The following C7 variants were observed in gnomAD, a reference collection of about 807,000 sequenced individuals.
C7 encodes complement C7, also known as complement component C7.
A neutral mutation model predicts 104.8 loss-of-function variants in C7; 83 were observed. That is an observed-to-expected ratio of 0.79 (90% CI 0.66 to 0.95). The LOEUF is 0.95. Ranked by LOEUF, C7 falls within the 40% of genes least tolerant of loss-of-function variation. The pLI, the probability that C7 is intolerant of heterozygous loss-of-function variation, is 0.00. For synonymous variants in C7, 415 were observed against 360.6 expected (o/e 1.15, Z -1.71); for missense variants, 1,070 against 1,011.2 (o/e 1.06, Z -0.79).
At chr5:40,957,978 A>G (rs1740330561) in intron 10 of C7, 55 bp from the exon 11 acceptor site, 1 of 1,324,868 alleles carries the variant, frequency 7.5e-7, no homozygotes, top group Non-Finnish European at 1.0e-6. Context: ...CATGAAAAGC[A>G]AAATATTCTT....
chr5:40,924,825 A>C (rs1251035669), intron 1 of C7, among the ~76,000 whole-genome samples: 1 of 152,234 alleles, frequency 6.6e-6, no homozygotes, highest in Non-Finnish European at 1.5e-5. Context: ...AGTGGCCTGC[A>C]TGCAGGGATC....
chr5:40,975,931 A>G (rs1326366223), intron 15 of C7, among the ~76,000 whole-genome samples: 2 of 152,250 alleles, frequency 1.3e-5, no homozygotes, highest in Non-Finnish European at 2.9e-5. Flanking sequence ...TTTCATTGTA[A>G]TAAAGCTATT....
intron 16 of C7, 58 bp from the exon 17 acceptor site, chr5:40,979,667 C>T (rs941402933): frequency 1.4e-6 from 2 of 1,435,244 alleles, no homozygotes; most frequent in South Asian, 1.3e-5. Flanking sequence ...TTCATTTCTC[C>T]TTCTCAGCTT....
chr5:40,918,099 C>T (rs1739357025), intron 1 of C7, among the ~76,000 whole-genome samples: 1 of 152,076 alleles, frequency 6.6e-6, no homozygotes, highest in Non-Finnish European at 1.5e-5. Flanking sequence ...AAGAATACCA[C>T]TATTGAAAAC....
At chr5:40,927,839 A>T (rs1443396082) in intron 1 of C7, among the ~76,000 whole-genome samples, 2 of 152,156 alleles carry the variant, frequency 1.3e-5, no homozygotes, top group Non-Finnish European at 2.9e-5. Flanking sequence ...GTACACTTGT[A>T]CACTTGGTAG....
chr5:40,928,426 T>C (rs1182245784), intron 1 of C7, among the ~76,000 whole-genome samples, 154 bp from the exon 2 acceptor site: 1 of 152,228 alleles, frequency 6.6e-6, no homozygotes, highest in Non-Finnish European at 1.5e-5. Context: ...AGGTGATAGA[T>C]ATGTTAACTG....
chr5:40,933,840 A>T (rs1280102405), intron 3 of C7, among the ~76,000 whole-genome samples: 1 of 152,144 alleles, frequency 6.6e-6, no homozygotes, highest in Non-Finnish European at 1.5e-5. Flanking sequence ...GAGCTCTTGG[A>T]ACACAGATTT....
intron 15 of C7, 115 bp downstream of exon 15, chr5:40,972,709 C>T (rs1325678441): frequency 6.3e-6 from 5 of 796,822 alleles, no homozygotes; most frequent in Admixed American, 2.5e-5. Context: ...TCCATTCTTG[C>T]TCCTTAAGAT....
intron 6 of C7, among the ~76,000 whole-genome samples, chr5:40,938,423 G>A (rs1199101954): frequency 1.3e-5 from 2 of 151,910 alleles, no homozygotes; most frequent in Non-Finnish European, 2.9e-5. Flanking sequence ...TACTCATGCT[G>A]TTGCAGGTGG....
At chr5:40,931,392 G>A (rs1441911353) in intron 3 of C7, among the ~76,000 whole-genome samples, 1 of 152,094 alleles carries the variant, frequency 6.6e-6, no homozygotes, top group African/African-American at 2.4e-5. Flanking sequence ...AATGTATATA[G>A]GCTAAAAGTT....
At chr5:40,918,379 CACAACAACAACAACAAGAAAAACA>C (rs1355770432) in intron 1 of C7, among the ~76,000 whole-genome samples, 1 of 151,768 alleles carries the variant, frequency 6.6e-6, no homozygotes, top group East Asian at 1.9e-4. Context: ...TCTACAATAC[CACAACAACAACAACAAGAAAAACA>C]ACAACAACAA....
At chr5:40,919,258 G>A (rs1739391405) in intron 1 of C7, among the ~76,000 whole-genome samples, 1 of 151,792 alleles carries the variant, frequency 6.6e-6, no homozygotes, top group African/African-American at 2.4e-5. Flanking sequence ...CCGAGCAGCT[G>A]GGACTACAGG....
At chr5:40,940,303 C>T (rs1266155236) in intron 6 of C7, among the ~76,000 whole-genome samples, 1 of 152,204 alleles carries the variant, frequency 6.6e-6, no homozygotes, top group African/African-American at 2.4e-5. Flanking sequence ...ATGCTGTGCA[C>T]ATTCTCTGTC....
chr5:40,962,058 C>T (rs1740431948), intron 12 of C7, 27 bp from the exon 13 acceptor site: 1 of 1,305,098 alleles, frequency 7.7e-7, no homozygotes, highest in Non-Finnish European at 1.1e-6. Context: ...AAATCAATCA[C>T]ATTAATTACA....
chr5:40,929,588 G>A (rs529332025), intron 2 of C7, among the ~76,000 whole-genome samples: 3 of 152,226 alleles, frequency 2.0e-5, no homozygotes, highest in Non-Finnish European at 4.4e-5. Flanking sequence ...TTGCCCAGCC[G>A]AGGAATGTGC....
intron 4 of C7, among the ~76,000 whole-genome samples, chr5:40,935,402 A>C (rs1739790520): frequency 6.6e-6 from 1 of 152,208 alleles, no homozygotes; most frequent in Admixed American, 6.5e-5. Flanking sequence ...CATTGGATTG[A>C]GTGGCAGTAT....
At chr5:40,972,824 CT>C (rs1485191773) in intron 15 of C7, among the ~76,000 whole-genome samples, 2 of 152,238 alleles carry the variant, frequency 1.3e-5, no homozygotes, top group Non-Finnish European at 2.9e-5. Context: ...AAACTTTTAA[CT>C]TAAATCATCC....
Position 40,945,220 on chromosome 5 carries a change from A to T in C7, c.590A>T (p.Asn197Ile). 2 of 1,507,798 alleles carry T rather than the reference A, an allele frequency of 1.3e-6. No individual in the cohort carries two copies. The highest frequency in any genetic ancestry group is 1.8e-6 in the Non-Finnish European group (2 of 1,119,838). The allele number at this position is 1,507,798 out of a possible 1,614,324, so 93.4% of individuals were successfully genotyped here. Residue 197 changes from asparagine to isoleucine, a missense_variant, in exon 7 of 18, where the codon AAT becomes ATT. By Grantham distance (149) the Asn-to-Ile change is moderately radical. Transcript: ENST00000313164. ...TFQVKINNDF[N>I]YEFYNSTWSY... ...TAGGTGAAAATAAATAATGATTTTA[A>T]TTATGAATTTTACAATAGTACTTGG...
chr5:40,920,848 A>G (rs1256544501), intron 1 of C7, among the ~76,000 whole-genome samples: 1 of 152,198 alleles, frequency 6.6e-6, no homozygotes. Context: ...TAGGAGTTTG[A>G]GACCAGCCTG....
Sources: allele counts gnomAD v4.1 joint callset (sites outside exome capture counted in the v4.1 genomes callset), GRCh38; gene constraint gnomAD v4.1.1; transcripts MANE v1.5; gene names NCBI Gene and HGNC (gene_info 2026-07-23, HGNC 2026-07-21).